PDGFD: variants seen among roughly 807,000 people sequenced by gnomAD.
PDGFD encodes platelet derived growth factor D.
In PDGFD, 30 loss-of-function variants were observed where a neutral mutation model predicts 44.7. The observed-to-expected ratio is 0.67, with a 90% CI of 0.50 to 0.91. The LOEUF is 0.91. Among genes scored for constraint, PDGFD ranks in the 40% least tolerant of loss-of-function variants. The pLI, the probability that PDGFD is intolerant of heterozygous loss-of-function variation, is 0.00. For missense variants in PDGFD, 445 were observed against 457.8 expected, an observed-to-expected ratio of 0.97 and a Z score of 0.25; for synonymous variants, 173 against 168.4, an observed-to-expected ratio of 1.03 and a Z score of -0.21.
chr11:104,051,061 T>C (rs1860527003), intron 1 of PDGFD, among the ~76,000 whole-genome samples: 1 of 151,696 alleles, frequency 6.6e-6, no homozygotes, highest in South Asian at 2.1e-4. Flanking sequence ...TTATAGATTA[T>C]AGCCAAGAAA....
At position 103,998,498 on chromosome 11, in the gene PDGFD, A is replaced by G. The variant is rs373489114; in HGVS notation, c.329+1553T>C. On this transcript the variant is annotated intron_variant, in intron 2 of 6. Coordinates refer to ENST00000393158, the MANE Select transcript of PDGFD (RefSeq NM_025208.5). ...ACATCCAGGTGTTTCGAAGGTTGCA[A>G]ACCCAGAGAAAGCACTCTTTCCATA... 3.9e-5 allele frequency among the ~76,000 whole-genome samples: 6 copies of G among 152,306 alleles called. 1 individual carries two copies. In the South Asian group the frequency reaches 1.2e-3, roughly 32 times the overall value.
chr11:104,085,529 T>C (rs569366611), intron 1 of PDGFD, among the ~76,000 whole-genome samples: 1 of 152,278 alleles, frequency 6.6e-6, no homozygotes, highest in East Asian at 1.9e-4. Context: ...TGTTTAAATG[T>C]ATTATATAGA....
At chr11:103,953,205 TA>T (rs1227498256) in intron 3 of PDGFD, among the ~76,000 whole-genome samples, 1 of 152,056 alleles carries the variant, frequency 6.6e-6, no homozygotes, top group African/African-American at 2.4e-5. Flanking sequence ...ACAAAATGTA[TA>T]TATACAAAAT....
chr11:104,119,892 A>AATTAT (rs551449115), intron 1 of PDGFD, among the ~76,000 whole-genome samples: 15,907 of 65,444 alleles, frequency 0.24, 1,122 homozygotes, highest in East Asian at 0.4. Context: ...TATAGTACAT[A>AATTAT]ATTATATAAT....
At chr11:104,113,560 C>T (rs1298563766) in intron 1 of PDGFD, among the ~76,000 whole-genome samples, 5 of 151,314 alleles carry the variant, frequency 3.3e-5, no homozygotes. Context: ...CAATTATGAA[C>T]ATAGCTGCTA....
At chr11:104,078,610 T>C (rs930033186) in intron 1 of PDGFD, among the ~76,000 whole-genome samples, 5 of 54,884 alleles carry the variant, frequency 9.1e-5, no homozygotes, top group Admixed American at 8.0e-4. Context: ...TGTGATTTAG[T>C]TCCTTAACCT....
At chr11:103,918,212 G>A (rs1452526892) in intron 6 of PDGFD, among the ~76,000 whole-genome samples, 1 of 152,180 alleles carries the variant, frequency 6.6e-6, no homozygotes, top group African/African-American at 2.4e-5. Flanking sequence ...AGTTTTGATA[G>A]TTGATTCTAT....
At chr11:104,071,613 T>C (rs940478704) in intron 1 of PDGFD, among the ~76,000 whole-genome samples, 1 of 151,874 alleles carries the variant, frequency 6.6e-6, no homozygotes, top group Non-Finnish European at 1.5e-5. Context: ...CAGTGGTCCT[T>C]TGACTTTATT....
chr11:103,993,833 T>C (rs192619550), intron 3 of PDGFD, among the ~76,000 whole-genome samples: 1 of 152,226 alleles, frequency 6.6e-6, no homozygotes, highest in Admixed American at 6.5e-5. Flanking sequence ...GCCAGAAGCC[T>C]ATTAGGAGGC....
At chr11:104,117,194 A>G (rs1356069832) in intron 1 of PDGFD, among the ~76,000 whole-genome samples, 2 of 152,068 alleles carry the variant, frequency 1.3e-5, no homozygotes, top group Admixed American at 1.3e-4. Context: ...CTTTATGATT[A>G]AAACTCTCAG....
At chr11:104,022,243 T>C (rs2134383071) in intron 1 of PDGFD, among the ~76,000 whole-genome samples, 1 of 152,300 alleles carries the variant, frequency 6.6e-6, no homozygotes, top group South Asian at 2.1e-4. Context: ...AAGTAGAGTT[T>C]GTATTTCACA....
chr11:103,942,764 G>C (rs1372764874), intron 5 of PDGFD, among the ~76,000 whole-genome samples: 1 of 152,106 alleles, frequency 6.6e-6, no homozygotes, highest in African/African-American at 2.4e-5. Context: ...ACCTATCAGA[G>C]AGGCAAAACT....
intron 3 of PDGFD, among the ~76,000 whole-genome samples, chr11:103,974,347 T>G (rs942292718): frequency 6.6e-6 from 1 of 152,164 alleles, no homozygotes; most frequent in East Asian, 1.9e-4. Flanking sequence ...CTTCTCCCCA[T>G]GTGCAGTCAC....
intron 1 of PDGFD, among the ~76,000 whole-genome samples, chr11:104,123,391 G>T (rs73603961): frequency 0.01 from 1,570 of 151,964 alleles, 25 homozygotes; most frequent in African/African-American, 0.036. Context: ...AGCGTAGCAG[G>T]GCAATTGTCT....
chr11:103,912,417 A>T (rs1033192328), intron 6 of PDGFD, among the ~76,000 whole-genome samples: 2 of 152,190 alleles, frequency 1.3e-5, no homozygotes, highest in Admixed American at 6.5e-5. Context: ...TCCTCTACAG[A>T]GAAGCAAATG....
rs1011330076 is a variant in PDGFD, at chr11:104,014,740, G to A, written c.125-14485C>T. ...CTGTGGTTTATGCTACAAAATTGGTGAGCTTTATGGAAAAAATGACTAACA... is the reference window on the plus strand; with the variant it reads ...CTGTGGTTTATGCTACAAAATTGGTAAGCTTTATGGAAAAAATGACTAACA... On this transcript the variant is annotated intron_variant, in intron 1 of 6. Coordinates refer to ENST00000393158, the MANE Select transcript of PDGFD (RefSeq NM_025208.5). Among the ~76,000 whole-genome samples the A allele has an allele frequency of 1.3e-4, 20 of 152,244 alleles. No individual in the cohort carries two copies. The East Asian group carries it at 2.1e-3, about 16-fold the overall frequency.
At chr11:103,910,452 C>G (rs561520386) in intron 6 of PDGFD, among the ~76,000 whole-genome samples, 74 of 152,268 alleles carry the variant, frequency 4.9e-4, no homozygotes, top group African/African-American at 1.7e-3. Flanking sequence ...GGAAGGTGAG[C>G]TGAAGCAGGG....
chr11:103,993,423 T>C (rs1859490069), intron 3 of PDGFD, among the ~76,000 whole-genome samples: 1 of 151,424 alleles, frequency 6.6e-6, no homozygotes, highest in Admixed American at 6.6e-5. Context: ...TAGTATTCCT[T>C]AAAGTAGGGG....
At chr11:103,996,303 A>C in intron 2 of PDGFD, 58 bp from the exon 3 acceptor site, 1 of 1,399,704 alleles carries the variant, frequency 7.1e-7, no homozygotes. Context: ...TGAAATTCAT[A>C]CTTTCACTGA....
Sources: gnomAD v4.1 joint callset for allele counts (sites outside exome capture counted in the v4.1 genomes callset) on GRCh38, gnomAD v4.1.1 for gene constraint, MANE v1.5 for transcripts, NCBI Gene and HGNC (gene_info 2026-07-23, HGNC 2026-07-21) for gene names.